ALG6: variants seen among roughly 807,000 people sequenced by gnomAD.
The protein encoded by ALG6 is dolichyl pyrophosphate Man9GlcNAc2 alpha-1,3-glucosyltransferase.
Under a neutral mutation model 66.6 loss-of-function variants are expected in ALG6, and 46 were observed. The observed-to-expected ratio is 0.69, with a 90% confidence interval of 0.55 to 0.88. The LOEUF (loss-of-function observed/expected upper bound fraction) is 0.88. ALG6 is among the 40% of genes least tolerant of loss of function. ALG6 has a pLI of 0.00. For missense variants in ALG6, 505 were observed against 586.8 expected, an observed-to-expected ratio of 0.86 and a Z score of 1.44; for synonymous variants, 185 against 203.7, an observed-to-expected ratio of 0.91 and a Z score of 0.78.
chr1:63,378,287 A>G lies in ALG6; in HGVS notation c.82+7228A>G, dbSNP rs545213436. Reference sequence around the variant, plus strand: ...TTTCTCTTAGTATTTTGAAAATACCATTGTCTTTTAATTTGTGTTGATGTT... The same window carrying G: ...TTTCTCTTAGTATTTTGAAAATACCGTTGTCTTTTAATTTGTGTTGATGTT... On this transcript the variant is annotated intron_variant, in intron 2 of 14. Coordinates refer to ENST00000263440, the MANE Select transcript of ALG6 (RefSeq NM_013339.4). 4.6e-5 allele frequency among the ~76,000 whole-genome samples: 7 copies of G among 152,146 alleles called. No homozygotes were observed. In the East Asian group the frequency reaches 1.2e-3, roughly 25 times the overall value.
intron 4 of ALG6, among the ~76,000 whole-genome samples, chr1:63,402,965 C>T (rs1413284251): frequency 2.6e-5 from 4 of 151,176 alleles, no homozygotes; most frequent in Admixed American, 6.6e-5. Flanking sequence ...CGTGGTGGCA[C>T]ATGCCTGTAG....
chr1:63,404,861 A>G (rs1468459101), intron 5 of ALG6, among the ~76,000 whole-genome samples: 1 of 152,166 alleles, frequency 6.6e-6, no homozygotes, highest in African/African-American at 2.4e-5. Context: ...GAAGCAAGAT[A>G]GCTATAAATT....
rs148632148 is a variant in ALG6, at chr1:63,416,173, G to A, written c.987+216G>A. Reference sequence around the variant, plus strand: ...TTAATTCAACTATTTAATTTGTTTCGTATTAGTTAATGAGGGACTACAAAG... The same window carrying A: ...TTAATTCAACTATTTAATTTGTTTCATATTAGTTAATGAGGGACTACAAAG... On this transcript the variant is annotated intron_variant, in intron 11 of 14. Transcript: ENST00000263440. 3.1e-3 allele frequency among the ~76,000 whole-genome samples: 465 copies of A among 152,272 alleles called. 2 individuals carry two copies. Among genetic ancestry groups the A allele is most frequent in the Admixed American group, 5.2e-3 (79 of 15,290 alleles).
At chr1:63,416,635 A>G (rs1282624072) in intron 11 of ALG6, among the ~76,000 whole-genome samples, 1 of 152,206 alleles carries the variant, frequency 6.6e-6, no homozygotes, top group Admixed American at 6.5e-5. Flanking sequence ...TGTGTGCAAG[A>G]GAAACTAAAA....
At chr1:63,421,591 CTATT>C (rs565269433) in intron 12 of ALG6, among the ~76,000 whole-genome samples, 344 of 152,252 alleles carry the variant, frequency 2.3e-3, no homozygotes, top group African/African-American at 8.0e-3. Context: ...TATTGCAGCA[CTATT>C]CATGATAGCA....
intron 2 of ALG6, among the ~76,000 whole-genome samples, chr1:63,373,871 C>T (rs1648022690): frequency 6.6e-6 from 1 of 151,958 alleles, no homozygotes; most frequent in Non-Finnish European, 1.5e-5. Flanking sequence ...ATACTCCTGC[C>T]TCAGCCTCCC....
chr1:63,416,055 A>G, intron 11 of ALG6, 98 bp downstream of exon 11: 3 of 902,028 alleles, frequency 3.3e-6, no homozygotes, highest in Non-Finnish European at 5.4e-6. Context: ...GTTGGGAAAC[A>G]AGACATTCAT....
chr1:63,417,140 A>G (rs543891812), intron 11 of ALG6, among the ~76,000 whole-genome samples: 1 of 152,332 alleles, frequency 6.6e-6, no homozygotes, highest in East Asian at 1.9e-4. Context: ...TGTTGTTAAT[A>G]TTCTATTGGA....
Position 63,422,429 on chromosome 1 carries a change from A to ATG in ALG6, c.1058+2990_1058+2991insGT, listed in dbSNP as rs1446574189. Among the ~76,000 whole-genome samples the ATG allele has an allele frequency of 3.6e-4, 13 of 35,980 alleles. 1 individual carries two copies. The highest frequency in any genetic ancestry group is 2.1e-3 in the African/African-American group (11 of 5,174). 23.6% of individuals were successfully genotyped at this position (35,980 alleles called of 152,430 possible). ...TATAAATATAAATATATATATAAAT[A>ATG]TAAATATATATATAAATATATATAT... On this transcript the variant is annotated intron_variant, in intron 12 of 14. Coordinates refer to ENST00000263440, the MANE Select transcript of ALG6 (RefSeq NM_013339.4).
chr1:63,408,978 C>G (rs1048244853), intron 7 of ALG6, among the ~76,000 whole-genome samples: 6 of 152,178 alleles, frequency 3.9e-5, no homozygotes, highest in African/African-American at 1.4e-4. Context: ...CAGGGTTTCA[C>G]TGTGTTGGCC....
intron 14 of ALG6, among the ~76,000 whole-genome samples, chr1:63,430,169 C>T (rs1449380222): frequency 6.6e-6 from 1 of 152,208 alleles, no homozygotes; most frequent in African/African-American, 2.4e-5. Context: ...GCATGAGCCA[C>T]TGCGCCCAGT....
intron 10 of ALG6, among the ~76,000 whole-genome samples, chr1:63,414,972 A>G (rs1260751226): frequency 6.6e-6 from 1 of 152,200 alleles, no homozygotes; most frequent in Admixed American, 6.5e-5. Flanking sequence ...TAGGCGCCTC[A>G]GGACAAGATC....
At chr1:63,418,031 G>A (rs1439976896) in intron 11 of ALG6, among the ~76,000 whole-genome samples, 3 of 151,870 alleles carry the variant, frequency 2.0e-5, no homozygotes, top group East Asian at 1.9e-4. Flanking sequence ...GCTACTGGGA[G>A]GCTGAGGCAG....
At chr1:63,393,788 T>G (rs746345758) in intron 2 of ALG6, among the ~76,000 whole-genome samples, 5 of 152,206 alleles carry the variant, frequency 3.3e-5, no homozygotes. Flanking sequence ...AATCAGGGAC[T>G]CACAAACTCA....
chr1:63,432,064 ATCT>A (rs1263865154), intron 14 of ALG6, among the ~76,000 whole-genome samples: 3 of 152,172 alleles, frequency 2.0e-5, no homozygotes, highest in East Asian at 1.9e-4. Flanking sequence ...AAGAGTGGAC[ATCT>A]TCTCTTTTAC....
At chr1:63,369,653 T>C (rs904159622) in intron 1 of ALG6, among the ~76,000 whole-genome samples, 1 of 150,394 alleles carries the variant, frequency 6.6e-6, no homozygotes, top group African/African-American at 2.5e-5. Flanking sequence ...AAAAAACAAA[T>C]AAAATAAAAT....
chr1:63,407,106 T>C lies in ALG6; in HGVS notation c.474T>C (p.Leu158=), dbSNP rs2100417592. ...TCTTGCTGTATCCAGGCCTTATTCT[T>C]ATAGACTATGGACATTTTCAGTATC... is the stretch of plus-strand genomic sequence containing the variant. ...LCILLYPGLI[L]IDYGHFQYNS... The change falls in exon 7 of 15, where the codon CTT becomes CTC. Residue 158 remains leucine (L), a synonymous_variant. Transcript: ENST00000263440. 1.9e-6 allele frequency: 3 copies of C among 1,608,742 alleles called. No homozygotes were observed. The highest frequency in any genetic ancestry group is 1.7e-6 in the Non-Finnish European group (2 of 1,175,610).
At chr1:63,434,886 C>T (rs1240719584) in intron 14 of ALG6, among the ~76,000 whole-genome samples, 1 of 152,096 alleles carries the variant, frequency 6.6e-6, no homozygotes, top group African/African-American at 2.4e-5. Context: ...ACATGAGGAA[C>T]CAGCAAAGAT....
chr1:63,432,284 A>G (rs1180832558), intron 14 of ALG6, among the ~76,000 whole-genome samples: 1 of 147,850 alleles, frequency 6.8e-6, no homozygotes, highest in Non-Finnish European at 1.5e-5. Flanking sequence ...ATTCTATTAT[A>G]TGACATATTT....
Sources: allele counts gnomAD v4.1 joint callset (sites outside exome capture counted in the v4.1 genomes callset), GRCh38; gene constraint gnomAD v4.1.1; transcripts MANE v1.5; gene names NCBI Gene and HGNC (gene_info 2026-07-23, HGNC 2026-07-21).